ABCA4: variants seen among roughly 807,000 people sequenced by gnomAD.
ABCA4 encodes retinal-specific phospholipid-transporting ATPase ABCA4.
ABCA4 carries 196 observed loss-of-function variants against 263.7 expected under a neutral mutation model. The observed-to-expected ratio is 0.74, with a 90% CI of 0.66 to 0.84. The LOEUF is 0.84. ABCA4 is among the 40% of genes least tolerant of loss of function. ABCA4 has a pLI of 0.00. For missense variants in ABCA4, 2,792 were observed against 2,855.1 expected (o/e 0.98, Z 0.50); for synonymous variants, 1,133 against 1,094.2 (o/e 1.04, Z -0.70).
intron 11 of ABCA4, 96 bp downstream of exon 11, chr1:94,077,594 G>A: frequency 5.1e-6 from 6 of 1,184,270 alleles, no homozygotes; most frequent in Non-Finnish European, 7.2e-6. Flanking sequence ...GAAAATGAAA[G>A]CTTAAATTCA....
intron 44 of ABCA4, among the ~76,000 whole-genome samples, chr1:94,004,973 T>C (rs978428177): frequency 6.6e-6 from 1 of 152,272 alleles, no homozygotes; most frequent in Non-Finnish European, 1.5e-5. Flanking sequence ...AATATCTCCA[T>C]ATCAGTTTAC....
chr1:94,066,629 G>C (rs1661275440), intron 11 of ABCA4, among the ~76,000 whole-genome samples: 1 of 152,230 alleles, frequency 6.6e-6, no homozygotes, highest in South Asian at 2.1e-4. Context: ...GAGGAGCAAA[G>C]GGCCTTGCCC....
At chr1:94,056,451 G>T in intron 15 of ABCA4, 150 bp downstream of exon 15, 2 of 814,606 alleles carry the variant, frequency 2.5e-6, no homozygotes, top group Non-Finnish European at 2.0e-6. Context: ...TCCCACTTTT[G>T]CCCCTGTACA....
At chr1:94,095,014 A>C (rs1662084181) in intron 6 of ABCA4, among the ~76,000 whole-genome samples, 2 of 152,156 alleles carry the variant, frequency 1.3e-5, no homozygotes, top group African/African-American at 4.8e-5. Context: ...GCTATTAATA[A>C]ATTTCCTTGG....
chr1:94,103,277 C>A (rs1443446078), intron 4 of ABCA4, 135 bp from the exon 5 acceptor site: 1 of 1,142,110 alleles, frequency 8.8e-7, no homozygotes, highest in South Asian at 1.3e-5. Context: ...CTCTGGGAGC[C>A]CCTAGAGGTG....
At chr1:94,011,154 C>CA in intron 39 of ABCA4, 108 bp downstream of exon 39, 7 of 1,591,542 alleles carry the variant, frequency 4.4e-6, no homozygotes, top group Non-Finnish European at 6.0e-6. Flanking sequence ...CCAACAAGGT[C>CA]CCCTCCTAGC....
At chr1:94,105,981 C>T (rs952424843) in intron 4 of ABCA4, among the ~76,000 whole-genome samples, 2 of 152,214 alleles carry the variant, frequency 1.3e-5, no homozygotes, top group Admixed American at 6.5e-5. Flanking sequence ...GTGAGCAGCG[C>T]CCCGGTGAAT....
chr1:94,107,668 G>A (rs952715475), intron 4 of ABCA4, among the ~76,000 whole-genome samples: 7 of 152,082 alleles, frequency 4.6e-5, no homozygotes, highest in Non-Finnish European at 8.8e-5. Context: ...CGTGGTGTCC[G>A]TGTGGGGCCA....
intron 49 of ABCA4, among the ~76,000 whole-genome samples, chr1:93,994,176 G>C (rs1351516864): frequency 6.6e-6 from 1 of 152,186 alleles, no homozygotes; most frequent in Non-Finnish European, 1.5e-5. Context: ...ATGCACATGC[G>C]ATGGTCACAT....
chr1:94,088,853 G>A (rs1384738212), intron 6 of ABCA4, among the ~76,000 whole-genome samples: 2 of 152,236 alleles, frequency 1.3e-5, no homozygotes, highest in Non-Finnish European at 2.9e-5. Flanking sequence ...GGAGCCCAGA[G>A]GCACAACCTA....
At chr1:94,024,876 G>T in intron 31 of ABCA4, 78 bp downstream of exon 31, 2 of 1,291,642 alleles carry the variant, frequency 1.5e-6, no homozygotes, top group Non-Finnish European at 2.2e-6. Flanking sequence ...TAAATTGAGA[G>T]AGAAAATTAT....
intron 17 of ABCA4, 39 bp downstream of exon 17, chr1:94,051,594 T>A: frequency 6.4e-7 from 1 of 1,555,104 alleles, no homozygotes; most frequent in Non-Finnish European, 8.9e-7. Context: ...CCCAAGGAGT[T>A]GATTTCAAAC....
chr1:93,996,259 C>G, intron 48 of ABCA4, 64 bp from the exon 49 acceptor site: 1 of 1,224,584 alleles, frequency 8.2e-7, no homozygotes, highest in South Asian at 1.2e-5. Context: ...CTACACCCAC[C>G]TACCCACTTT....
At chr1:94,049,009 C>G (rs1570380186) in intron 17 of ABCA4, 52 bp from the exon 18 acceptor site, 1 of 1,587,874 alleles carries the variant, frequency 6.3e-7, no homozygotes. Flanking sequence ...TGAGAACGAG[C>G]AAAGGCAGGA....
At chr1:94,018,200 T>C (rs1362520390) in intron 36 of ABCA4, among the ~76,000 whole-genome samples, 1 of 147,986 alleles carries the variant, frequency 6.8e-6, no homozygotes, top group Non-Finnish European at 1.5e-5. Flanking sequence ...CGCGCGTGCG[T>C]GCACACATAC....
intron 11 of ABCA4, among the ~76,000 whole-genome samples, chr1:94,069,146 T>C (rs937631072): frequency 1.1e-4 from 16 of 152,236 alleles, no homozygotes; most frequent in African/African-American, 3.9e-4. Context: ...CTCTGGAGAA[T>C]GCAGTCATTT....
At chr1:94,044,053 C>A in intron 20 of ABCA4, among the ~76,000 whole-genome samples, 1 of 60,600 alleles carries the variant, frequency 1.7e-5, no homozygotes, top group Non-Finnish European at 4.0e-5. Flanking sequence ...TTCTCCCCTC[C>A]CTCCCTCCCT....
At chr1:94,036,373 C>T (rs1453061716) in intron 26 of ABCA4, among the ~76,000 whole-genome samples, 2 of 150,386 alleles carry the variant, frequency 1.3e-5, no homozygotes, top group Admixed American at 6.7e-5. Flanking sequence ...ATGACTTTTT[C>T]CTTAGACTTT....
chr1:94,029,379 C>T, intron 30 of ABCA4, 66 bp downstream of exon 30: 1 of 1,356,626 alleles, frequency 7.4e-7, no homozygotes, highest in Non-Finnish European at 9.9e-7. Flanking sequence ...TCAGGAGATA[C>T]CAGGGACTCC....
Sources: allele counts gnomAD v4.1 joint callset (sites outside exome capture counted in the v4.1 genomes callset), GRCh38; gene constraint gnomAD v4.1.1; transcripts MANE v1.5; gene names NCBI Gene and HGNC (gene_info 2026-07-23, HGNC 2026-07-21).